CCSER1: variants seen among roughly 807,000 people sequenced by gnomAD.
The protein encoded by CCSER1 is serine-rich coiled-coil domain-containing protein 1.
Under a neutral mutation model 82.0 loss-of-function variants are expected in CCSER1, and 41 were observed. The ratio of observed to expected loss-of-function variants is 0.50; its 90% confidence interval spans 0.39 to 0.65. The LOEUF (loss-of-function observed/expected upper bound fraction) is 0.65, where lower values mean the gene tolerates loss of function less well. Ranked by LOEUF, CCSER1 falls within the 30% of genes least tolerant of loss-of-function variation. CCSER1 has a pLI of 0.00. For synonymous variants in CCSER1, 414 were observed against 383.9 expected (o/e 1.08, Z -0.92); for missense variants, 1,119 against 1,064.2 (o/e 1.05, Z -0.72).
chr4:91,103,921 A>C (rs987017344), intron 10 of CCSER1, among the ~76,000 whole-genome samples: 3 of 152,152 alleles, frequency 2.0e-5, no homozygotes, highest in Non-Finnish European at 4.4e-5. Flanking sequence ...AGTAGGAGAG[A>C]TATCACTAAA....
chr4:90,214,634 C>T (rs1231300740), intron 1 of CCSER1, among the ~76,000 whole-genome samples: 1 of 152,176 alleles, frequency 6.6e-6, no homozygotes, highest in Non-Finnish European at 1.5e-5. Context: ...CTGGCCAAGT[C>T]AGTGGATTTG....
intron 5 of CCSER1, among the ~76,000 whole-genome samples, chr4:90,506,450 A>G (rs542260677): frequency 6.6e-6 from 1 of 152,260 alleles, no homozygotes; most frequent in Non-Finnish European, 1.5e-5. Flanking sequence ...CATCCAAATA[A>G]ATGTTTTTCA....
intron 8 of CCSER1, among the ~76,000 whole-genome samples, chr4:90,854,368 T>C (rs181933873): frequency 2.0e-5 from 3 of 152,340 alleles, no homozygotes; most frequent in East Asian, 1.9e-4. Context: ...AGGTGTTTCA[T>C]GCAAATTCTA....
At chr4:90,355,571 G>A (rs917340983) in intron 3 of CCSER1, among the ~76,000 whole-genome samples, 1 of 151,868 alleles carries the variant, frequency 6.6e-6, no homozygotes, top group Non-Finnish European at 1.5e-5. Flanking sequence ...AACTTGTTGA[G>A]GTTCCCACAT....
intron 10 of CCSER1, among the ~76,000 whole-genome samples, chr4:91,593,380 G>A (rs1229337141): frequency 1.4e-5 from 2 of 144,752 alleles, no homozygotes; most frequent in South Asian, 2.3e-4. Flanking sequence ...AAATAATTTT[G>A]TATACAGAAA....
At chr4:90,955,998 A>C (rs990592648) in intron 9 of CCSER1, among the ~76,000 whole-genome samples, 1 of 152,204 alleles carries the variant, frequency 6.6e-6, no homozygotes, top group Admixed American at 6.5e-5. Context: ...ATATATATAT[A>C]TCAATGCATT....
chr4:91,597,846 A>T (rs1041623188), intron 10 of CCSER1, among the ~76,000 whole-genome samples: 1 of 152,152 alleles, frequency 6.6e-6, no homozygotes, highest in Non-Finnish European at 1.5e-5. Context: ...TGCTCTCTTC[A>T]GGAGGAATAT....
chr4:90,230,191 C>A (rs1471472231), intron 1 of CCSER1, among the ~76,000 whole-genome samples: 3 of 152,090 alleles, frequency 2.0e-5, no homozygotes, highest in Admixed American at 6.5e-5. Context: ...CCACACCACA[C>A]CTATTCCAAA....
chr4:90,704,869 A>G (rs888749739), intron 6 of CCSER1, among the ~76,000 whole-genome samples: 1 of 152,104 alleles, frequency 6.6e-6, no homozygotes, highest in Non-Finnish European at 1.5e-5. Flanking sequence ...CTTGTTAGCC[A>G]TTCATCTAAT....
intron 5 of CCSER1, among the ~76,000 whole-genome samples, chr4:90,570,862 T>C (rs758052852): frequency 5.3e-5 from 8 of 152,020 alleles, no homozygotes; most frequent in African/African-American, 9.7e-5. Context: ...CAAAAATATA[T>C]TGTGTTTACG....
chr4:91,160,915 C>T (rs1731328383), intron 10 of CCSER1, among the ~76,000 whole-genome samples: 1 of 152,058 alleles, frequency 6.6e-6, no homozygotes, highest in African/African-American at 2.4e-5. Context: ...AATTAAATCC[C>T]ATTTATCTAT....
At chr4:90,382,913 G>A (rs752942723) in intron 3 of CCSER1, among the ~76,000 whole-genome samples, 4 of 152,094 alleles carry the variant, frequency 2.6e-5, no homozygotes, top group Admixed American at 2.0e-4. Flanking sequence ...TCAACACCGT[G>A]TGTTATTGCA....
chr4:91,219,628 T>G (rs1455505656), intron 10 of CCSER1, among the ~76,000 whole-genome samples: 1 of 152,146 alleles, frequency 6.6e-6, no homozygotes, highest in Non-Finnish European at 1.5e-5. Flanking sequence ...TTGTAACATT[T>G]ATGTATTTAA....
chr4:90,970,971 G>C (rs7690963), intron 9 of CCSER1, among the ~76,000 whole-genome samples: 23,649 of 151,392 alleles, frequency 0.16, 2,329 homozygotes, highest in East Asian at 0.28. Flanking sequence ...AGAGAAAAAG[G>C]CCTCAAATAA....
At chr4:90,827,088 G>A (rs1760565406) in intron 8 of CCSER1, among the ~76,000 whole-genome samples, 1 of 152,164 alleles carries the variant, frequency 6.6e-6, no homozygotes, top group Non-Finnish European at 1.5e-5. Flanking sequence ...CCTGAGAGCT[G>A]GAAAGTCACA....
At chr4:91,566,353 CTTTGT>C (rs1173810198) in intron 10 of CCSER1, among the ~76,000 whole-genome samples, 1 of 151,690 alleles carries the variant, frequency 6.6e-6, no homozygotes, top group African/African-American at 2.4e-5. Flanking sequence ...AGTTTTCTTT[CTTTGT>C]TTTGTCTCTG....
At chr4:90,639,285 A>T (rs1244447668) in intron 6 of CCSER1, among the ~76,000 whole-genome samples, 1 of 151,780 alleles carries the variant, frequency 6.6e-6, no homozygotes, top group Non-Finnish European at 1.5e-5. Flanking sequence ...AATCAATATC[A>T]ATAAAATTAT....
intron 5 of CCSER1, among the ~76,000 whole-genome samples, chr4:90,481,317 C>G (rs1471978844): frequency 1.3e-5 from 2 of 152,166 alleles, no homozygotes; most frequent in African/African-American, 4.8e-5. Flanking sequence ...CATCTGCAAA[C>G]AGGGACAATT....
At chr4:90,914,715 G>GAAAA (rs61366146) in intron 8 of CCSER1, among the ~76,000 whole-genome samples, 2,913 of 128,508 alleles carry the variant, frequency 0.023, 41 homozygotes, top group African/African-American at 0.027. Context: ...GCTTTTTATT[G>GAAAA]AAAAAAAAAA....
Sources: allele counts gnomAD v4.1 joint callset (sites outside exome capture counted in the v4.1 genomes callset), GRCh38; gene constraint gnomAD v4.1.1; transcripts MANE v1.5; gene names NCBI Gene and HGNC (gene_info 2026-07-23, HGNC 2026-07-21).